The following PHACTR1 variants were observed in gnomAD, a reference collection of about 807,000 sequenced individuals.
The protein encoded by PHACTR1 is phosphatase and actin regulator 1.
A neutral mutation model predicts 69.2 loss-of-function variants in PHACTR1; 16 were observed. That is an observed-to-expected ratio of 0.23 (90% confidence interval 0.16 to 0.35). The LOEUF (loss-of-function observed/expected upper bound fraction) is 0.35, where lower values mean the gene tolerates loss of function less well. PHACTR1 is among the 10% of genes least tolerant of loss of function. PHACTR1 has a pLI of 1.00. For missense variants in PHACTR1, 510 were observed against 734.7 expected (o/e 0.69, Z 3.54); for synonymous variants, 312 against 284.5 (o/e 1.10, Z -0.97).
intron 4 of PHACTR1, among the ~76,000 whole-genome samples, chr6:12,862,782 G>A (rs547865030): frequency 6.6e-6 from 1 of 152,278 alleles, no homozygotes; most frequent in African/African-American, 2.4e-5. Flanking sequence ...ATATCTCCAT[G>A]CACCTTCTAC....
intron 13 of PHACTR1, among the ~76,000 whole-genome samples, chr6:13,285,864 C>A (rs552657296): frequency 6.6e-6 from 1 of 152,166 alleles, no homozygotes; most frequent in African/African-American, 2.4e-5. Context: ...GGTAGGTGTA[C>A]ACCACCACTG....
intron 4 of PHACTR1, among the ~76,000 whole-genome samples, chr6:12,966,196 G>C (rs1793465728): frequency 6.6e-6 from 1 of 152,174 alleles, no homozygotes. Context: ...AGCTCCAGCA[G>C]CAAGTAAGGA....
At chr6:12,734,707 C>T (rs1305676629) in intron 3 of PHACTR1, among the ~76,000 whole-genome samples, 2 of 152,050 alleles carry the variant, frequency 1.3e-5, no homozygotes, top group East Asian at 3.9e-4. Flanking sequence ...CATGGTGGTA[C>T]TGGAGACAGG....
At chr6:13,165,142 C>A (rs1366704121) in intron 6 of PHACTR1, among the ~76,000 whole-genome samples, 1 of 152,106 alleles carries the variant, frequency 6.6e-6, no homozygotes, top group South Asian at 2.1e-4. Context: ...GTAGCATGGA[C>A]AGAAAATTAT....
chr6:13,287,125 T>C lies in PHACTR1; in HGVS notation c.*47T>C. 1 of 1,548,188 alleles carries C rather than the reference T, an allele frequency of 6.5e-7. No individual in the cohort carries two copies. Among genetic ancestry groups the C allele is most frequent in the Non-Finnish European group, 8.8e-7 (1 of 1,131,924 alleles). On this transcript the variant is annotated 3_prime_UTR_variant, in exon 15 of 15. Coordinates refer to ENST00000332995, the MANE Select transcript of PHACTR1 (RefSeq NM_030948.6). ...CTATGCTGTCTTCAAAACATAAATT[T>C]ATAAGAACCATAAGTGCTGGTATTT...
intron 7 of PHACTR1, among the ~76,000 whole-genome samples, chr6:13,204,394 T>TG (rs1040335115): frequency 5.3e-5 from 8 of 151,170 alleles, no homozygotes; most frequent in Non-Finnish European, 1.2e-4. Context: ...GGGGTGCCAG[T>TG]GGGGCATTGA....
intron 4 of PHACTR1, among the ~76,000 whole-genome samples, chr6:12,951,218 T>G (rs1328455939): frequency 6.6e-6 from 1 of 152,228 alleles, no homozygotes; most frequent in African/African-American, 2.4e-5. Context: ...GCCTTCATTC[T>G]GGGAAGCTCT....
chr6:12,980,808 A>G (rs1451101462), intron 4 of PHACTR1, among the ~76,000 whole-genome samples: 2 of 152,236 alleles, frequency 1.3e-5, no homozygotes, highest in African/African-American at 4.8e-5. Context: ...ATATATTTTT[A>G]TGAAGTCTCT....
In PHACTR1 at chr6:13,099,743, A is replaced by G. The variant is rs539860683; in HGVS notation, c.415+46214A>G. 1.2e-3 allele frequency among the ~76,000 whole-genome samples: 183 copies of G among 152,364 alleles called. 1 individual carries two copies. The highest frequency in any genetic ancestry group is 4.3e-3 in the African/African-American group (179 of 41,592). On this transcript the variant is annotated intron_variant, in intron 5 of 14. Coordinates refer to ENST00000332995, the MANE Select transcript of PHACTR1 (RefSeq NM_030948.6). The stretch of plus-strand genomic sequence containing the variant: ...GACATTAACTTGGAATGTTTCAACA[A>G]GAGATATTAATGCATAAACACACTT...
chr6:12,840,684 C>A (rs1295089866), intron 4 of PHACTR1, among the ~76,000 whole-genome samples: 1 of 152,162 alleles, frequency 6.6e-6, no homozygotes, highest in African/African-American at 2.4e-5. Flanking sequence ...GTTTCCTATA[C>A]CCATACATCA....
chr6:12,960,685 C>G (rs1792600625), intron 4 of PHACTR1, among the ~76,000 whole-genome samples: 1 of 152,152 alleles, frequency 6.6e-6, no homozygotes, highest in South Asian at 2.1e-4. Flanking sequence ...TTTTTCCTGC[C>G]TCAGCCATGC....
chr6:13,283,353 C>A lies in PHACTR1; in HGVS notation c.1510-69C>A, dbSNP rs1780734296. ...ACCTTATTTTCCACACCTGCAAGTT[C>A]ACAGACAGGACCAAGTGCCATGGTC... On this transcript the variant is annotated intron_variant, in intron 12 of 14. Transcript: ENST00000332995. The surrounding 1 kb of genome is among the most constrained non-coding windows in gnomAD (Gnocchi z 4.7). 1 of 1,432,248 alleles carries A rather than the reference C, an allele frequency of 7.0e-7. No individual in the cohort carries two copies. The highest frequency in any genetic ancestry group is 1.2e-5 in the South Asian group (1 of 86,224). The allele number at this position is 1,432,248 out of a possible 1,614,324, so 88.7% of individuals were successfully genotyped here.
chr6:12,763,657 C>T (rs1178637417), intron 4 of PHACTR1, among the ~76,000 whole-genome samples: 2 of 152,182 alleles, frequency 1.3e-5, no homozygotes, highest in Admixed American at 6.5e-5. Context: ...CTTTAGTTCT[C>T]TCCTATTGCT....
At chr6:12,731,268 C>A (rs1227937612) in intron 3 of PHACTR1, among the ~76,000 whole-genome samples, 1 of 152,172 alleles carries the variant, frequency 6.6e-6, no homozygotes, top group Admixed American at 6.5e-5. Flanking sequence ...CCCGCCTTGG[C>A]TTCCCAAAGT....
rs369770703 is a variant in PHACTR1, at chr6:13,160,311, G to C, written c.496+27G>C. On this transcript the variant is annotated intron_variant, in intron 6 of 14. Transcript: ENST00000332995. ...TAAGGAGGATTGGTCTGTCATCCCC[G>C]GGTCAAAGAGTCATGCGTGGAATCT... is the stretch of plus-strand genomic sequence containing the variant. 19 of 1,587,906 alleles carry C rather than the reference G, an allele frequency of 1.2e-5. No individual in the cohort carries two copies. In the East Asian group the frequency reaches 1.8e-4, roughly 15 times the overall value.
At chr6:13,166,175 A>G (rs955134623) in intron 6 of PHACTR1, among the ~76,000 whole-genome samples, 5 of 152,128 alleles carry the variant, frequency 3.3e-5, no homozygotes, top group Non-Finnish European at 7.4e-5. Flanking sequence ...GCCTTGGCTG[A>G]GGTGTCACCT....
intron 4 of PHACTR1, among the ~76,000 whole-genome samples, chr6:12,809,557 A>G (rs956910796): frequency 1.3e-5 from 2 of 152,250 alleles, no homozygotes; most frequent in African/African-American, 4.8e-5. Context: ...CTCTGTTTCC[A>G]GGAATTTAGA....
At chr6:12,894,461 C>T (rs1424888821) in intron 4 of PHACTR1, among the ~76,000 whole-genome samples, 2 of 152,094 alleles carry the variant, frequency 1.3e-5, no homozygotes, top group Admixed American at 6.5e-5. Context: ...AAAAATTAGC[C>T]GGGTGTGGTG....
rs548797910 is a variant in PHACTR1 at position 13,124,099 on chromosome 6, G to A, written c.416-36105G>A. On this transcript the variant is annotated intron_variant, in intron 5 of 14. Transcript: ENST00000332995. Reference sequence around the variant, plus strand: ...AAGATCCTCATCAAAAGAATCCAAGGGATGTGGGAGTATGAACTGCAGAGA... The same window carrying A: ...AAGATCCTCATCAAAAGAATCCAAGAGATGTGGGAGTATGAACTGCAGAGA... Among the ~76,000 whole-genome samples, 5 of 152,248 alleles carry A rather than the reference G, an allele frequency of 3.3e-5. No individual in the cohort carries two copies. The East Asian group carries it at 9.6e-4, about 29-fold the overall frequency.
Sources: allele counts gnomAD v4.1 joint callset (sites outside exome capture counted in the v4.1 genomes callset), GRCh38; gene constraint gnomAD v4.1.1; non-coding constraint Gnocchi (gnomAD v3.1); transcripts MANE v1.5; gene names NCBI Gene and HGNC (gene_info 2026-07-23, HGNC 2026-07-21).